The following KMT2E variants were observed in gnomAD, a reference collection of about 807,000 sequenced individuals.
KMT2E encodes the protein histone reader KMT2E.
A neutral mutation model predicts 184.6 loss-of-function variants in KMT2E; 30 were observed. The observed-to-expected ratio is 0.16, with a 90% CI of 0.12 to 0.22. The LOEUF (loss-of-function observed/expected upper bound fraction) is 0.22. Among genes scored for constraint, KMT2E ranks in the 10% least tolerant of loss-of-function variants. The pLI is 1.00. For synonymous variants in KMT2E, 815 were observed against 776.5 expected, an observed-to-expected ratio of 1.05 and a Z score of -0.82; for missense variants, 2,023 against 2,237.4, an observed-to-expected ratio of 0.90 and a Z score of 1.93.
intron 3 of KMT2E, among the ~76,000 whole-genome samples, chr7:105,053,050 C>T (rs754583723): frequency 4.6e-5 from 7 of 152,070 alleles, no homozygotes; most frequent in Non-Finnish European, 7.4e-5. Flanking sequence ...CAGCACCTGA[C>T]GGTGCTGTAT....
chr7:105,057,474 C>T (rs943436594), intron 3 of KMT2E, among the ~76,000 whole-genome samples: 6 of 152,020 alleles, frequency 3.9e-5, no homozygotes, highest in African/African-American at 1.4e-4. Context: ...TACAGAGTCT[C>T]ACTCTGTCAA....
rs1243497212 is a variant in KMT2E, at chr7:105,090,287, C to T, written c.1623+14C>T. On this transcript the variant is annotated intron_variant, in intron 14 of 26. Coordinates refer to ENST00000311117, the MANE Select transcript of KMT2E (RefSeq NM_182931.3). ...TCAAATAATCAGGTACTGAACTCTGCTCTCAATGAAATTGAATAAACAAAG... is the reference window on the plus strand; with the variant it reads ...TCAAATAATCAGGTACTGAACTCTGTTCTCAATGAAATTGAATAAACAAAG... 5 of 1,570,862 alleles carry T rather than the reference C, an allele frequency of 3.2e-6. No homozygotes were observed. Among genetic ancestry groups the T allele is most frequent in the Non-Finnish European group, 4.3e-6 (5 of 1,164,924 alleles).
chr7:105,099,650 A>ATACTACAAAAAATATCT (rs2129569383), intron 15 of KMT2E, among the ~76,000 whole-genome samples: 1 of 152,338 alleles, frequency 6.6e-6, no homozygotes, highest in African/African-American at 2.4e-5. Context: ...CAGGATAATC[A>ATACTACAAAAAATATCT]TACTACAAAA....
At position 105,107,467 on chromosome 7, in the gene KMT2E, A is replaced by G. The variant is rs747973234; in HGVS notation, c.3010A>G (p.Arg1004Gly). Residue 1004 changes from arginine to glycine, a missense_variant, in exon 22 of 27, where the codon AGG becomes GGG. Physicochemically the swap from Arg to Gly is moderately radical, Grantham distance 125 (BLOSUM62 -2). This residue lies in a region of KMT2E where 1,108 missense variants were observed against 1,050.9 expected (regional missense o/e 1.05). Coordinates refer to ENST00000311117, the MANE Select transcript of KMT2E (RefSeq NM_182931.3). ...EIKTIGYTSP[R>G]SRTEVNRQCP... The stretch of plus-strand genomic sequence containing the variant: ...AAAGACTATTGGTTATACGAGCCCT[A>G]GGAGTAGGACTGAAGTCAACAGGCA... 9 of 1,614,062 alleles carry G rather than the reference A, an allele frequency of 5.6e-6. No homozygotes were observed. The highest frequency in any genetic ancestry group is 7.6e-6 in the Non-Finnish European group (9 of 1,180,020).
chr7:105,089,953 A>G, intron 13 of KMT2E, 56 bp from the exon 14 acceptor site: 5 of 1,577,296 alleles, frequency 3.2e-6, no homozygotes, highest in Non-Finnish European at 4.3e-6. Context: ...TGGATTAGAA[A>G]ATTTCCAGTT....
rs768631894 is a variant in KMT2E at position 105,113,152 on chromosome 7, G to C, written c.5396G>C (p.Gly1799Ala). Residue 1799 changes from glycine to alanine, a missense_variant, in exon 27 of 27, where the codon GGA becomes GCA. By Grantham distance (60) the Gly-to-Ala change is moderately conservative (BLOSUM62 0). This residue lies in a region of KMT2E where 1,108 missense variants were observed against 1,050.9 expected (regional missense o/e 1.05). Transcript: ENST00000311117. ...PVTGPHLQPQ[G>A]PNSIPTPTAS... Reference sequence around the variant, plus strand: ...ACAGGTCCTCATCTCCAGCCCCAAGGACCAAACAGTATTCCAACACCTACT... The same window carrying C: ...ACAGGTCCTCATCTCCAGCCCCAAGCACCAAACAGTATTCCAACACCTACT... 4 of 1,614,160 alleles carry C rather than the reference G, an allele frequency of 2.5e-6. No individual in the cohort carries two copies. The highest frequency in any genetic ancestry group is 3.4e-6 in the Non-Finnish European group (4 of 1,180,032).
chr7:105,019,213 C>A (rs950045183), intron 1 of KMT2E, among the ~76,000 whole-genome samples: 4 of 151,998 alleles, frequency 2.6e-5, no homozygotes, highest in African/African-American at 9.7e-5. Flanking sequence ...TTTTTATTAA[C>A]CATTGGTAAC....
In KMT2E at chr7:105,062,149, A is replaced by G. The variant is rs764823316; in HGVS notation, c.72-15A>G. The G allele has an allele frequency of 3.9e-6, 6 of 1,537,356 alleles. No homozygotes were observed. The highest frequency in any genetic ancestry group is 1.7e-5 in the Admixed American group (1 of 57,286). On this transcript the variant is annotated splice_polypyrimidine_tract_variant and intron_variant, in intron 3 of 26. Transcript: ENST00000311117. ...AAAGAATGGAATTCTCTTTGATGCA[A>G]CTTTTTCCCCCCAGACCAGAATCCG...
At chr7:105,037,101 C>G (rs1003768467) in intron 1 of KMT2E, among the ~76,000 whole-genome samples, 2 of 152,086 alleles carry the variant, frequency 1.3e-5, no homozygotes, top group Non-Finnish European at 2.9e-5. Flanking sequence ...TTAATTATTT[C>G]CATTAGTAAT....
At chr7:105,100,160 CAG>C (rs771026382) in intron 15 of KMT2E, among the ~76,000 whole-genome samples, 3 of 152,156 alleles carry the variant, frequency 2.0e-5, no homozygotes, top group Admixed American at 6.5e-5. Context: ...TCAGTTTCCT[CAG>C]AGTCATGTTT....
At chr7:105,028,461 C>G (rs1316722969) in intron 1 of KMT2E, among the ~76,000 whole-genome samples, 1 of 151,840 alleles carries the variant, frequency 6.6e-6, no homozygotes, top group East Asian at 2.0e-4. Flanking sequence ...GCCATCAGCC[C>G]AGTCGAGACT....
At chr7:105,043,239 CTT>C (rs756242064) in intron 3 of KMT2E, among the ~76,000 whole-genome samples, 11 of 140,228 alleles carry the variant, frequency 7.8e-5, no homozygotes, top group Non-Finnish European at 7.8e-5. Context: ...TTCTTTTTTT[CTT>C]TTTTTTTTTT....
At chr7:105,041,086 TAGGA>T in intron 3 of KMT2E, 63 bp downstream of exon 3, 1 of 949,906 alleles carries the variant, frequency 1.1e-6, no homozygotes, top group Non-Finnish European at 1.6e-6. Context: ...AGCTAGAAAG[TAGGA>T]AGAAGTATAA....
chr7:105,083,815 C>T (rs1365636889), intron 13 of KMT2E, among the ~76,000 whole-genome samples: 1 of 152,188 alleles, frequency 6.6e-6, no homozygotes, highest in Non-Finnish European at 1.5e-5. Flanking sequence ...TCTGAGAACT[C>T]ATCTGCTGCC....
At chr7:105,080,886 C>A (rs886368995) in intron 12 of KMT2E, among the ~76,000 whole-genome samples, 2 of 152,078 alleles carry the variant, frequency 1.3e-5, no homozygotes, top group Non-Finnish European at 2.9e-5. Context: ...ACCTGTAGTC[C>A]CAGCTACTTG....
intron 1 of KMT2E, among the ~76,000 whole-genome samples, chr7:105,033,263 T>C (rs975454207): frequency 3.9e-5 from 6 of 152,238 alleles, no homozygotes; most frequent in Non-Finnish European, 7.3e-5. Flanking sequence ...GGCAAATTGC[T>C]ACCAATGCTT....
At chr7:105,097,553 T>C (rs1798462979) in intron 15 of KMT2E, among the ~76,000 whole-genome samples, 2 of 152,056 alleles carry the variant, frequency 1.3e-5, no homozygotes, top group South Asian at 4.1e-4. Flanking sequence ...GCCTGGCTAA[T>C]TTTTTGTATC....
At chr7:105,066,277 C>G (rs1023118222) in intron 5 of KMT2E, among the ~76,000 whole-genome samples, 2 of 152,120 alleles carry the variant, frequency 1.3e-5, no homozygotes, top group African/African-American at 4.8e-5. Context: ...GAATATTTCT[C>G]TTCATATATG....
In KMT2E at chr7:105,077,309, A is replaced by G; in HGVS notation, c.1006A>G (p.Ile336Val). Reference protein sequence around the residue: ...LLFKPPVESHIQKNKKILKSA... With the variant: ...LLFKPPVESHVQKNKKILKSA... ...ACATTTACTCTGATTTTAGAGCCAT[A>G]TACAAAAGAATAAGAAAATTCTTAA... is the stretch of plus-strand genomic sequence containing the variant. Residue 336 changes from isoleucine (I) to valine (V), a missense_variant, in exon 11 of 27, where the codon ATA (isoleucine) becomes GTA (valine). This residue lies in a region of KMT2E where 191 missense variants were observed against 209.0 expected (regional missense o/e 0.91). Transcript: ENST00000311117. 1 of 1,609,314 alleles carries G rather than the reference A, an allele frequency of 6.2e-7. No homozygotes were observed. The highest frequency in any genetic ancestry group is 8.5e-7 in the Non-Finnish European group (1 of 1,176,848).
Sources: gnomAD v4.1 joint callset for allele counts (sites outside exome capture counted in the v4.1 genomes callset) on GRCh38, gnomAD v4.1.1 for gene constraint, gnomAD v4.1.1 regional missense constraint, MANE v1.5 for transcripts, NCBI Gene and HGNC (gene_info 2026-07-23, HGNC 2026-07-21) for gene names.